The following ALMS1 variants were observed in gnomAD, a reference collection of about 807,000 sequenced individuals.
ALMS1 encodes ALMS1 centrosome and basal body associated protein.
ALMS1 carries 271 observed loss-of-function variants against 352.2 expected under a neutral mutation model. That is an observed-to-expected ratio of 0.77 (90% CI 0.70 to 0.85). The LOEUF (loss-of-function observed/expected upper bound fraction) is 0.85. Ranked by LOEUF, ALMS1 falls within the 40% of genes least tolerant of loss-of-function variation. ALMS1 has a pLI of 0.00. For missense variants in ALMS1, 5,445 were observed against 4,870.7 expected (o/e 1.12, Z -3.51); for synonymous variants, 1,865 against 1,761.2 (o/e 1.06, Z -1.48).
At chr2:73,538,799 T>C (rs181641001) in intron 12 of ALMS1, among the ~76,000 whole-genome samples, 207 of 152,232 alleles carry the variant, frequency 1.4e-3, no homozygotes, top group African/African-American at 4.7e-3. Flanking sequence ...AGCACAGCAG[T>C]CTGAGATCAA....
chr2:73,426,026 T>A (rs184845175), intron 5 of ALMS1, among the ~76,000 whole-genome samples: 16 of 152,352 alleles, frequency 1.1e-4, no homozygotes, highest in African/African-American at 3.8e-4. Context: ...AATGAACCAT[T>A]TCTTCCCTTT....
At chr2:73,441,993 T>A (rs1671728257) in intron 7 of ALMS1, among the ~76,000 whole-genome samples, 1 of 152,168 alleles carries the variant, frequency 6.6e-6, no homozygotes, top group Non-Finnish European at 1.5e-5. Flanking sequence ...CCACAGAAGA[T>A]GGGGACACCT....
At chr2:73,492,271 C>T (rs1434759016) in intron 10 of ALMS1, among the ~76,000 whole-genome samples, 6 of 151,986 alleles carry the variant, frequency 3.9e-5, no homozygotes, top group African/African-American at 1.4e-4. Context: ...GAGCGCTAGG[C>T]TTGGAAAGGA....
intron 6 of ALMS1, among the ~76,000 whole-genome samples, chr2:73,431,058 T>C (rs1671489812): frequency 6.6e-6 from 1 of 152,156 alleles, no homozygotes; most frequent in African/African-American, 2.4e-5. Flanking sequence ...GATAATTCTT[T>C]GTTATGGTGG....
At chr2:73,394,923 G>A (rs1338015914) in intron 1 of ALMS1, among the ~76,000 whole-genome samples, 1 of 150,206 alleles carries the variant, frequency 6.7e-6, no homozygotes, top group Non-Finnish European at 1.5e-5. Flanking sequence ...TGTTGGATAC[G>A]TTTGTGTATC....
chr2:73,453,892 TA>T lies in ALMS1; in HGVS notation c.7366del (p.Ile2456Ter). Reference protein sequence around the residue: ...FFPYVSPKTSITDSREEEGVS... With the variant: ...FFPYVSPKTSXTDSREEEGVS... ...TTCCATATGTTTCACCCAAGACAAG[TA>T]TAACAGATAGCAGGGAGGAAGAGGG... On this transcript the variant is annotated frameshift_variant, in exon 8 of 23. Transcript: ENST00000613296. LOFTEE classifies it high-confidence loss of function. 1 of 1,614,066 alleles carries T rather than the reference TA, an allele frequency of 6.2e-7. No individual in the cohort carries two copies. Among genetic ancestry groups the T allele is most frequent in the Non-Finnish European group, 8.5e-7 (1 of 1,179,984 alleles).
intron 1 of ALMS1, among the ~76,000 whole-genome samples, chr2:73,397,843 GC>G (rs1324459341): frequency 6.6e-6 from 1 of 152,198 alleles, no homozygotes; most frequent in Non-Finnish European, 1.5e-5. Flanking sequence ...TCTGTGCCCT[GC>G]CCCTCTCCAT....
Position 73,599,528 on chromosome 2 carries a change from A to C in ALMS1, c.11668+7A>C. 1 of 1,613,306 alleles carries C rather than the reference A, an allele frequency of 6.2e-7. No individual in the cohort carries two copies. Among genetic ancestry groups the C allele is most frequent in the Non-Finnish European group, 8.5e-7 (1 of 1,179,516 alleles). On this transcript the variant is annotated splice_region_variant and intron_variant, in intron 17 of 22. Coordinates refer to ENST00000613296, the MANE Select transcript of ALMS1 (RefSeq NM_001378454.1). ...AACAAGGGCATACAAGCAGGTAATT[A>C]CTTGAATCTAAACTTTTTCATTGAA...
chr2:73,454,065 A>G lies in ALMS1; in HGVS notation c.7538A>G (p.His2513Arg). The G allele has an allele frequency of 6.2e-7, 1 of 1,608,104 alleles. No individual in the cohort carries two copies. The change falls in exon 8 of 23, where the codon CAT (histidine) becomes CGT (arginine). Residue 2513 changes from histidine (H) to arginine (R), a missense_variant and splice_region_variant. Coordinates refer to ENST00000613296, the MANE Select transcript of ALMS1 (RefSeq NM_001378454.1). The part of the protein sequence containing the change: ...AEEEESRVRA[H>R]AWNMKFNLAH... ...GAAGAGGAAAGCCGGGTACGAGCACATGGTAAGAAGAAAGTTTCAGGCTTA... is the reference window on the plus strand; with the variant it reads ...GAAGAGGAAAGCCGGGTACGAGCACGTGGTAAGAAGAAAGTTTCAGGCTTA...
intron 9 of ALMS1, among the ~76,000 whole-genome samples, chr2:73,488,090 C>A (rs1479969799): frequency 6.6e-6 from 1 of 152,240 alleles, no homozygotes; most frequent in African/African-American, 2.4e-5. Flanking sequence ...CCATCCCTGG[C>A]TTAAAGGTGG....
At chr2:73,605,033 TG>T (rs1675783920) in intron 21 of ALMS1, among the ~76,000 whole-genome samples, 1 of 152,242 alleles carries the variant, frequency 6.6e-6, no homozygotes, top group South Asian at 2.1e-4. Context: ...ACTTATGCCA[TG>T]GTTTGTGTCG....
chr2:73,410,942 C>CT (rs753391278), intron 2 of ALMS1, among the ~76,000 whole-genome samples: 1 of 152,008 alleles, frequency 6.6e-6, no homozygotes, highest in African/African-American at 2.4e-5. Context: ...GGGAGATACA[C>CT]TATCACTGAG....
At chr2:73,517,003 T>G (rs907959477) in intron 10 of ALMS1, among the ~76,000 whole-genome samples, 1 of 152,102 alleles carries the variant, frequency 6.6e-6, no homozygotes, top group African/African-American at 2.4e-5. Context: ...GCCATGAGTA[T>G]GAATGAGATT....
intron 11 of ALMS1, among the ~76,000 whole-genome samples, chr2:73,522,193 G>T (rs1470634657): frequency 1.3e-5 from 2 of 152,194 alleles, no homozygotes; most frequent in East Asian, 3.8e-4. Context: ...CCATCGCCAT[G>T]TGATAGTCAT....
chr2:73,558,327 A>T (rs1674586380), intron 14 of ALMS1, among the ~76,000 whole-genome samples: 1 of 152,226 alleles, frequency 6.6e-6, no homozygotes, highest in Admixed American at 6.5e-5. Flanking sequence ...TTGCTTGTTT[A>T]AAAAGGTTAG....
At chr2:73,546,975 C>T (rs1163479784) in intron 12 of ALMS1, among the ~76,000 whole-genome samples, 1 of 152,034 alleles carries the variant, frequency 6.6e-6, no homozygotes, top group Non-Finnish European at 1.5e-5. Context: ...ACAGACAGTC[C>T]CCAATTTACA....
At chr2:73,522,713 C>T (rs1351338226) in intron 11 of ALMS1, among the ~76,000 whole-genome samples, 1 of 152,156 alleles carries the variant, frequency 6.6e-6, no homozygotes, top group Admixed American at 6.5e-5. Flanking sequence ...GTGATCCGCC[C>T]ACCTTGGCCT....
In ALMS1 at chr2:73,490,920, T is replaced by A. The variant is rs201937708; in HGVS notation, c.8961T>A (p.Leu2987=). Residue 2987 remains leucine (L), a synonymous_variant, in exon 10 of 23, where the codon CTT becomes CTA. Coordinates refer to ENST00000613296, the MANE Select transcript of ALMS1 (RefSeq NM_001378454.1). ...DDQMNKHHFP[L]PQGQDCVVEK... The stretch of plus-strand genomic sequence containing the variant: ...AAATGAATAAACACCATTTTCCCCT[T>A]CCTCAAGGTCAGGATTGTGTAGTGG... The A allele has an allele frequency of 2.9e-5, 47 of 1,614,162 alleles. No homozygotes were observed. The South Asian group carries it at 4.8e-4, about 17-fold the overall frequency.
chr2:73,558,135 T>A lies in ALMS1; in HGVS notation c.10213+781T>A, dbSNP rs143417223. On this transcript the variant is annotated intron_variant, in intron 14 of 22. Transcript: ENST00000613296. ...GGCCAGACTTAGACACATGGTCACA[T>A]GTACCAGGGAAGCTGGGAAATTGAG... Among the ~76,000 whole-genome samples the A allele has an allele frequency of 3.1e-3, 479 of 152,320 alleles. 3 individuals carry two copies. Among genetic ancestry groups the A allele is most frequent in the African/African-American group, 0.011 (456 of 41,572 alleles).
Sources: gnomAD v4.1 joint callset for allele counts (sites outside exome capture counted in the v4.1 genomes callset) on GRCh38, gnomAD v4.1.1 for gene constraint, MANE v1.5 for transcripts, NCBI Gene and HGNC (gene_info 2026-07-23, HGNC 2026-07-21) for gene names.